ASAP2: variants seen among roughly 807,000 people sequenced by gnomAD.
ASAP2 encodes the protein ArfGAP with SH3 domain, ankyrin repeat and PH domain 2.
In ASAP2, 45 loss-of-function variants were observed where a neutral mutation model predicts 131.4. The observed-to-expected ratio is 0.34, with a 90% confidence interval of 0.27 to 0.44. The LOEUF (loss-of-function observed/expected upper bound fraction) is 0.44, where lower values mean the gene tolerates loss of function less well. Ranked by LOEUF, ASAP2 falls within the 20% of genes least tolerant of loss-of-function variation. The probability of loss-of-function intolerance (pLI) is 1.00; values close to 1 mark genes in which losing one functional copy is unlikely to be tolerated. For missense variants in ASAP2, 1,011 were observed against 1,297.0 expected, an observed-to-expected ratio of 0.78 and a Z score of 3.39; for synonymous variants, 510 against 503.0, an observed-to-expected ratio of 1.01 and a Z score of -0.19.
intron 17 of ASAP2, 27 bp downstream of exon 17, chr2:9,374,971 A>T (rs900909431): frequency 1.6e-4 from 27 of 171,896 alleles, no homozygotes; most frequent in South Asian, 7.4e-4. Context: ...TTGCTACTTT[A>T]AAAAAAAAAA....
At chr2:9,216,309 CAG>C (rs1307082897) in intron 1 of ASAP2, among the ~76,000 whole-genome samples, 1 of 142,466 alleles carries the variant, frequency 7.0e-6, no homozygotes, top group Admixed American at 7.2e-5. Flanking sequence ...TTTTCTGAGA[CAG>C]GGTCTGGCTC....
chr2:9,288,798 C>G (rs958709756), intron 2 of ASAP2, among the ~76,000 whole-genome samples: 1 of 152,076 alleles, frequency 6.6e-6, no homozygotes, highest in Non-Finnish European at 1.5e-5. Context: ...ACCCCCTTCC[C>G]ACCACCTCCA....
intron 1 of ASAP2, among the ~76,000 whole-genome samples, chr2:9,218,475 T>G (rs1662206487): frequency 6.6e-6 from 1 of 152,226 alleles, no homozygotes; most frequent in Non-Finnish European, 1.5e-5. Flanking sequence ...ATTTTGAGGC[T>G]GCCACTGAAG....
At chr2:9,319,101 A>G (rs1669984028) in intron 4 of ASAP2, among the ~76,000 whole-genome samples, 1 of 151,702 alleles carries the variant, frequency 6.6e-6, no homozygotes, top group South Asian at 2.1e-4. Context: ...GGAGCTGTTT[A>G]AGGGGGCAGC....
intron 1 of ASAP2, among the ~76,000 whole-genome samples, chr2:9,238,598 C>T (rs1394819575): frequency 1.3e-5 from 2 of 152,180 alleles, no homozygotes; most frequent in African/African-American, 2.4e-5. Context: ...GGTTTAAGTA[C>T]AGTGTTTTGT....
intron 14 of ASAP2, among the ~76,000 whole-genome samples, chr2:9,358,186 C>T (rs563086230): frequency 6.6e-6 from 1 of 152,212 alleles, no homozygotes; most frequent in Admixed American, 6.5e-5. Flanking sequence ...CTGGTCATCT[C>T]ATGGAACTCT....
chr2:9,243,459 T>C (rs751760804), intron 1 of ASAP2, among the ~76,000 whole-genome samples: 1 of 152,214 alleles, frequency 6.6e-6, no homozygotes, highest in Non-Finnish European at 1.5e-5. Context: ...CAATCACTGT[T>C]GTTTAGGAAC....
intron 12 of ASAP2, among the ~76,000 whole-genome samples, chr2:9,353,845 C>A (rs1672510846): frequency 6.6e-6 from 1 of 152,078 alleles, no homozygotes; most frequent in Admixed American, 6.5e-5. Context: ...GGCAGTGGCT[C>A]ACACCTATAG....
At chr2:9,249,930 C>A (rs527480369) in intron 1 of ASAP2, among the ~76,000 whole-genome samples, 1 of 152,226 alleles carries the variant, frequency 6.6e-6, no homozygotes, top group African/African-American at 2.4e-5. Flanking sequence ...ATTGGGCCAC[C>A]GTCTCCTGCC....
chr2:9,373,348 G>A (rs978153554), intron 16 of ASAP2, among the ~76,000 whole-genome samples: 4 of 152,250 alleles, frequency 2.6e-5, no homozygotes, highest in African/African-American at 9.6e-5. Flanking sequence ...CCAGCCTCAC[G>A]CTGCGGCGTG....
chr2:9,368,145 T>G (rs1370727347), intron 15 of ASAP2, among the ~76,000 whole-genome samples: 1 of 152,194 alleles, frequency 6.6e-6, no homozygotes. Flanking sequence ...GGATGGAAAT[T>G]CACATTGGAC....
chr2:9,223,822 A>C (rs1183635621), intron 1 of ASAP2, among the ~76,000 whole-genome samples: 1 of 152,140 alleles, frequency 6.6e-6, no homozygotes, highest in East Asian at 1.9e-4. Context: ...AGACCAGCTT[A>C]GAAGGGTGGG....
intron 16 of ASAP2, among the ~76,000 whole-genome samples, chr2:9,371,383 G>T (rs952955419): frequency 6.6e-6 from 1 of 152,066 alleles, no homozygotes; most frequent in Non-Finnish European, 1.5e-5. Context: ...ACTCATTTTG[G>T]TTTTTCCCAC....
chr2:9,327,917 T>C lies in ASAP2; in HGVS notation c.686+6T>C. 6.4e-7 allele frequency: 1 copy of C among 1,563,624 alleles called. No homozygotes were observed. Among genetic ancestry groups the C allele is most frequent in the Non-Finnish European group, 8.6e-7 (1 of 1,160,212 alleles). On this transcript the variant is annotated splice_donor_region_variant and intron_variant, in intron 7 of 27. Coordinates refer to ENST00000281419, the MANE Select transcript of ASAP2 (RefSeq NM_003887.3). ...TACTTTCATGCCCAATGCAAGTAAG[T>C]TCTTCTCTGTTATGTTATCTTAAAT... is the stretch of plus-strand genomic sequence containing the variant.
intron 22 of ASAP2, 66 bp downstream of exon 22, chr2:9,388,612 C>T (rs1675484280): frequency 6.4e-7 from 1 of 1,552,980 alleles, no homozygotes; most frequent in African/African-American, 1.4e-5. Context: ...GGGAAGTTTG[C>T]AGCTGCCCTG....
rs375889850 is a variant in ASAP2 at position 9,213,006 on chromosome 2, G to A, written c.126+5776G>A. On this transcript the variant is annotated intron_variant, in intron 1 of 27. Transcript: ENST00000281419. ...CTTAAATTAGTCTGGGTGGGGCTTC[G>A]AGCCTTGGCATTTTTTAAAGCCTCC... Among the ~76,000 whole-genome samples, 7 of 152,310 alleles carry A rather than the reference G, an allele frequency of 4.6e-5. No homozygotes were observed. In the East Asian group the frequency reaches 1.2e-3, roughly 25 times the overall value.
At chr2:9,360,803 T>C (rs1396822151) in intron 15 of ASAP2, among the ~76,000 whole-genome samples, 1 of 152,028 alleles carries the variant, frequency 6.6e-6, no homozygotes, top group Admixed American at 6.6e-5. Context: ...TGTAACATAA[T>C]TATGAGTTTA....
At chr2:9,252,401 C>A (rs569031884) in intron 1 of ASAP2, among the ~76,000 whole-genome samples, 155 of 151,910 alleles carry the variant, frequency 1.0e-3, no homozygotes, top group African/African-American at 3.7e-3. Context: ...GGCAACATAG[C>A]AAAACCCCAT....
At chr2:9,221,489 T>C (rs1317411188) in intron 1 of ASAP2, among the ~76,000 whole-genome samples, 1 of 152,104 alleles carries the variant, frequency 6.6e-6, no homozygotes, top group East Asian at 1.9e-4. Context: ...TCAGTAATGT[T>C]TTGTAGTTTT....
Sources: gnomAD v4.1 joint callset for allele counts (sites outside exome capture counted in the v4.1 genomes callset) on GRCh38, gnomAD v4.1.1 for gene constraint, MANE v1.5 for transcripts, NCBI Gene and HGNC (gene_info 2026-07-23, HGNC 2026-07-21) for gene names.